Variants in LRRC4C observed in about 807,000 individuals in gnomAD.
LRRC4C encodes the protein leucine rich repeat containing 4C.
In LRRC4C, 5 loss-of-function variants were observed where a neutral mutation model predicts 33.6. The observed-to-expected ratio is 0.15, with a 90% CI of 0.08 to 0.31. The LOEUF (loss-of-function observed/expected upper bound fraction) is 0.31. LRRC4C is among the 10% of genes least tolerant of loss of function. The probability of loss-of-function intolerance (pLI) is 1.00; values close to 1 mark genes in which losing one functional copy is unlikely to be tolerated. For synonymous variants in LRRC4C, 329 were observed against 302.0 expected (o/e 1.09, Z -0.93); for missense variants, 560 against 796.7 (o/e 0.70, Z 3.58).
chr11:40,301,013 C>T (rs1944749134), intron 4 of LRRC4C, among the ~76,000 whole-genome samples: 1 of 152,024 alleles, frequency 6.6e-6, no homozygotes, highest in East Asian at 1.9e-4. Flanking sequence ...ATGGGAAACC[C>T]ACAGATATGG....
chr11:41,376,985 A>C (rs1241783638), intron 1 of LRRC4C, among the ~76,000 whole-genome samples: 7 of 152,142 alleles, frequency 4.6e-5, no homozygotes, highest in African/African-American at 1.7e-4. Flanking sequence ...CAACTAATAA[A>C]ATGGGTTAAA....
chr11:40,465,221 G>A (rs577228479), intron 3 of LRRC4C, among the ~76,000 whole-genome samples: 40 of 151,872 alleles, frequency 2.6e-4, no homozygotes, highest in African/African-American at 9.2e-4. Context: ...AGAAAACCCC[G>A]TTCAATAAAT....
intron 5 of LRRC4C, among the ~76,000 whole-genome samples, chr11:40,141,152 G>C (rs1239712611): frequency 6.6e-6 from 1 of 152,052 alleles, no homozygotes; most frequent in Non-Finnish European, 1.5e-5. Context: ...GTGATCTAGT[G>C]TCCTGATCAG....
At chr11:41,266,534 A>G (rs910640972) in intron 1 of LRRC4C, among the ~76,000 whole-genome samples, 2 of 152,166 alleles carry the variant, frequency 1.3e-5, no homozygotes, top group Non-Finnish European at 2.9e-5. Flanking sequence ...AATAATTCAC[A>G]AAGAATAAAA....
At chr11:41,352,269 G>A (rs1326999807) in intron 1 of LRRC4C, among the ~76,000 whole-genome samples, 1 of 152,050 alleles carries the variant, frequency 6.6e-6, no homozygotes, top group Non-Finnish European at 1.5e-5. Context: ...AAAAGGACAA[G>A]GAAGAACATT....
intron 2 of LRRC4C, among the ~76,000 whole-genome samples, chr11:40,657,846 T>A (rs539417470): frequency 6.6e-5 from 10 of 152,324 alleles, no homozygotes; most frequent in African/African-American, 2.4e-4. Context: ...CTGCCTCAAA[T>A]CTTTGGGGCT....
intron 2 of LRRC4C, among the ~76,000 whole-genome samples, chr11:40,738,252 T>C (rs1947984286): frequency 6.6e-6 from 1 of 152,166 alleles, no homozygotes; most frequent in Non-Finnish European, 1.5e-5. Flanking sequence ...AAGTAAGACC[T>C]AGCTCCTCTT....
intron 3 of LRRC4C, among the ~76,000 whole-genome samples, chr11:40,614,567 CTT>C (rs146505422): frequency 2.7e-5 from 4 of 150,402 alleles, no homozygotes; most frequent in South Asian, 4.2e-4. Context: ...TCTTCAACGA[CTT>C]TTTTTTTTCT....
intron 1 of LRRC4C, among the ~76,000 whole-genome samples, chr11:41,130,798 T>C (rs1398687996): frequency 6.6e-6 from 1 of 151,996 alleles, no homozygotes; most frequent in Admixed American, 6.6e-5. Flanking sequence ...GCAATTTATG[T>C]GTATAATACT....
chr11:40,898,779 A>C (rs118021146), intron 2 of LRRC4C, among the ~76,000 whole-genome samples: 1,614 of 152,214 alleles, frequency 0.011, 16 homozygotes, highest in Non-Finnish European at 0.014. Context: ...ATAAAGAAAA[A>C]AAAAAACATT....
chr11:40,768,620 T>A (rs1949598595), intron 2 of LRRC4C, among the ~76,000 whole-genome samples: 1 of 151,924 alleles, frequency 6.6e-6, no homozygotes, highest in Non-Finnish European at 1.5e-5. Context: ...TTCAACAACA[T>A]ATTGAAAGGA....
intron 1 of LRRC4C, among the ~76,000 whole-genome samples, chr11:41,292,756 A>G (rs1345617080): frequency 2.0e-5 from 3 of 152,146 alleles, no homozygotes; most frequent in Non-Finnish European, 2.9e-5. Flanking sequence ...TTGGATCATA[A>G]TAAAATTCAG....
rs1952629174 is a variant in LRRC4C, at chr11:41,368,580, T to G, written c.-496+90851A>C. 3.9e-5 allele frequency among the ~76,000 whole-genome samples: 6 copies of G among 152,332 alleles called. No homozygotes were observed. The South Asian group carries it at 1.2e-3, about 32-fold the overall frequency. On this transcript the variant is annotated intron_variant, in intron 1 of 6. Transcript: ENST00000528697. ...TTGGAATGATATTTTTAGCTGAGGT[T>G]CTGAATGCATTTGTTAAATCATTAT... is the stretch of plus-strand genomic sequence containing the variant.
intron 1 of LRRC4C, among the ~76,000 whole-genome samples, chr11:41,075,261 A>T (rs1939063674): frequency 6.6e-6 from 1 of 151,954 alleles, no homozygotes; most frequent in Non-Finnish European, 1.5e-5. Context: ...TGAGGGTGAC[A>T]ATTGCCAATA....
At chr11:41,367,938 C>G (rs942510660) in intron 1 of LRRC4C, among the ~76,000 whole-genome samples, 2 of 152,142 alleles carry the variant, frequency 1.3e-5, no homozygotes, top group African/African-American at 4.8e-5. Flanking sequence ...CATTCAGAGT[C>G]TTACCCAAAC....
At chr11:41,327,679 C>T (rs938854587) in intron 1 of LRRC4C, among the ~76,000 whole-genome samples, 12 of 152,260 alleles carry the variant, frequency 7.9e-5, no homozygotes, top group East Asian at 1.9e-4. Flanking sequence ...ATGATCCCCA[C>T]GTGTCATGGG....
At chr11:41,194,561 C>T (rs1946101242) in intron 1 of LRRC4C, among the ~76,000 whole-genome samples, 1 of 152,038 alleles carries the variant, frequency 6.6e-6, no homozygotes, top group Admixed American at 6.6e-5. Context: ...ATCAAGTGGC[C>T]ATGTTGGACA....
intron 1 of LRRC4C, among the ~76,000 whole-genome samples, chr11:41,301,744 A>G (rs1421100195): frequency 6.6e-6 from 1 of 152,116 alleles, no homozygotes; most frequent in Non-Finnish European, 1.5e-5. Context: ...CAGAGGAGAG[A>G]GTTTTTAATA....
At chr11:41,180,980 G>A (rs1269332186) in intron 1 of LRRC4C, among the ~76,000 whole-genome samples, 1 of 151,902 alleles carries the variant, frequency 6.6e-6, no homozygotes, top group East Asian at 1.9e-4. Context: ...ATGTATTCGT[G>A]CAGACTCAGT....
Sources: allele counts gnomAD v4.1 joint callset (sites outside exome capture counted in the v4.1 genomes callset), GRCh38; gene constraint gnomAD v4.1.1; transcripts MANE v1.5; gene names NCBI Gene and HGNC (gene_info 2026-07-23, HGNC 2026-07-21).